ICA1: variants seen among roughly 807,000 people sequenced by gnomAD.
The protein encoded by ICA1 is islet cell autoantigen 1.
In ICA1, 40 loss-of-function variants were observed where a neutral mutation model predicts 71.0. The ratio of observed to expected loss-of-function variants is 0.56; its 90% CI spans 0.44 to 0.73. The LOEUF (loss-of-function observed/expected upper bound fraction) is 0.73, where lower values mean the gene tolerates loss of function less well. Ranked by LOEUF, ICA1 falls within the 30% of genes least tolerant of loss-of-function variation. ICA1 has a pLI of 0.00. For missense variants in ICA1, 578 were observed against 576.5 expected, an observed-to-expected ratio of 1.00 and a Z score of -0.03; for synonymous variants, 207 against 209.5, an observed-to-expected ratio of 0.99 and a Z score of 0.10.
intron 6 of ICA1, among the ~76,000 whole-genome samples, chr7:8,180,751 G>T (rs1188110786): frequency 6.6e-6 from 1 of 151,740 alleles, no homozygotes; most frequent in Non-Finnish European, 1.5e-5. Flanking sequence ...ATGAAACCAT[G>T]TTGGCAATTT....
intron 6 of ICA1, among the ~76,000 whole-genome samples, chr7:8,176,777 A>C (rs932520799): frequency 5.3e-5 from 8 of 152,180 alleles, no homozygotes; most frequent in African/African-American, 1.9e-4. Context: ...TACTGATTAG[A>C]TGTCATACAT....
intron 6 of ICA1, among the ~76,000 whole-genome samples, chr7:8,178,867 C>T (rs942939400): frequency 3.9e-5 from 6 of 152,078 alleles, no homozygotes; most frequent in Admixed American, 6.6e-5. Context: ...AGCATTTCAG[C>T]GTTTTAGCAT....
At chr7:8,174,183 A>T (rs1455812675) in intron 6 of ICA1, among the ~76,000 whole-genome samples, 1 of 152,082 alleles carries the variant, frequency 6.6e-6, no homozygotes, top group East Asian at 1.9e-4. Flanking sequence ...TGTTCTAGGA[A>T]ATGTGGTCAG....
At chr7:8,186,342 T>C (rs2128283449) in intron 6 of ICA1, among the ~76,000 whole-genome samples, 1 of 152,306 alleles carries the variant, frequency 6.6e-6, no homozygotes, top group East Asian at 1.9e-4. Flanking sequence ...ACAGCAATCA[T>C]CTGGTCACTG....
chr7:8,122,168 C>T (rs1274964095), intron 13 of ICA1, among the ~76,000 whole-genome samples: 1 of 152,182 alleles, frequency 6.6e-6, no homozygotes, highest in African/African-American at 2.4e-5. Context: ...ATGGTGGGGA[C>T]AGACGGGTGC....
chr7:8,178,639 T>C (rs1253267568), intron 6 of ICA1, among the ~76,000 whole-genome samples: 1 of 152,064 alleles, frequency 6.6e-6, no homozygotes. Flanking sequence ...AGGAAGCTTG[T>C]CCAGCTGCTT....
At chr7:8,214,947 G>A (rs1021008952) in intron 6 of ICA1, among the ~76,000 whole-genome samples, 5 of 152,104 alleles carry the variant, frequency 3.3e-5, no homozygotes, top group African/African-American at 1.2e-4. Flanking sequence ...GTGCTACCAC[G>A]GAATCTGGTA....
At chr7:8,253,775 C>A (rs1469326540) in intron 1 of ICA1, among the ~76,000 whole-genome samples, 2 of 152,096 alleles carry the variant, frequency 1.3e-5, no homozygotes, top group African/African-American at 2.4e-5. Flanking sequence ...ATTTTCATAG[C>A]TGAGGGTGGT....
chr7:8,137,852 G>C (rs945549680), intron 12 of ICA1, among the ~76,000 whole-genome samples: 5 of 152,204 alleles, frequency 3.3e-5, no homozygotes, highest in African/African-American at 1.2e-4. Context: ...GTCTTCCAGA[G>C]ACTCTCTTCC....
chr7:8,235,816 T>C (rs1801671875), intron 2 of ICA1, 94 bp downstream of exon 2: 5 of 1,280,728 alleles, frequency 3.9e-6, no homozygotes, highest in Admixed American at 1.8e-5. Flanking sequence ...TTACTGCCAA[T>C]GTATCTCTTG....
intron 1 of ICA1, among the ~76,000 whole-genome samples, chr7:8,260,864 C>G (rs999940122): frequency 5.3e-5 from 8 of 152,188 alleles, no homozygotes; most frequent in Non-Finnish European, 1.0e-4. Context: ...TTATTTCACT[C>G]CCTAACCACA....
rs188466652 is a variant in ICA1, at chr7:8,227,874, A to G, written c.256+727T>C. 3.0e-4 allele frequency: 137 copies of G among 451,574 alleles called. No homozygotes were observed. The East Asian group carries it at 8.1e-3, about 27-fold the overall frequency. 28.0% of individuals were successfully genotyped at this position (451,574 alleles called of 1,614,324 possible). A position where few individuals can be genotyped will look rare whatever the true frequency, so the allele number is the denominator to read the frequency against. On this transcript the variant is annotated intron_variant, in intron 4 of 13. Coordinates refer to ENST00000402384, the MANE Select transcript of ICA1 (RefSeq NM_001136020.3). Reference sequence around the variant, plus strand: ...ATGCTGGGATTACAGATGTCAGACAATGCACCCAGCCTACCAAAATGATTG... The same window carrying G: ...ATGCTGGGATTACAGATGTCAGACAGTGCACCCAGCCTACCAAAATGATTG...
At chr7:8,163,516 G>A (rs1048090780) in intron 6 of ICA1, among the ~76,000 whole-genome samples, 4 of 152,176 alleles carry the variant, frequency 2.6e-5, no homozygotes, top group Admixed American at 2.0e-4. Flanking sequence ...AGTACATTGG[G>A]TATATTTCAG....
In ICA1 at chr7:8,200,741, G is replaced by A. The variant is rs142167650; in HGVS notation, c.579+17564C>T. Among the ~76,000 whole-genome samples, 125 of 152,332 alleles carry A rather than the reference G, an allele frequency of 8.2e-4. 3 individuals are homozygous for A. The East Asian group carries it at 0.023, about 28-fold the overall frequency. On this transcript the variant is annotated intron_variant, in intron 6 of 13. Transcript: ENST00000402384. ...ATGAAAGAGTTTCATGAAGATTTAAGCCACAGTTATGAATATTAGTTGAGT... is the reference window on the plus strand; with the variant it reads ...ATGAAAGAGTTTCATGAAGATTTAAACCACAGTTATGAATATTAGTTGAGT...
At chr7:8,257,959 G>C (rs1367367708) in intron 1 of ICA1, among the ~76,000 whole-genome samples, 1 of 152,080 alleles carries the variant, frequency 6.6e-6, no homozygotes, top group African/African-American at 2.4e-5. Context: ...ACACATGGTT[G>C]GGAGTGGGGA....
intron 1 of ICA1, among the ~76,000 whole-genome samples, chr7:8,242,012 CAGA>C (rs1253008103): frequency 1.3e-5 from 2 of 152,116 alleles, no homozygotes; most frequent in Non-Finnish European, 1.5e-5. Context: ...ATCAACGAGA[CAGA>C]AGGTTAACAA....
chr7:8,178,138 C>A (rs1781149133), intron 6 of ICA1, among the ~76,000 whole-genome samples: 1 of 152,150 alleles, frequency 6.6e-6, no homozygotes, highest in African/African-American at 2.4e-5. Flanking sequence ...AAGTTCCTTC[C>A]TTTTGTAAGT....
rs563698924 is a variant in ICA1, at chr7:8,221,525, G to A, written c.257-127C>T. On this transcript the variant is annotated intron_variant, in intron 4 of 13. Coordinates refer to ENST00000402384, the MANE Select transcript of ICA1 (RefSeq NM_001136020.3). ...AGACGAGATGAAATTAAATCTAAGC[G>A]GCAGGCTACAGGGTAAGCTCCCCCT... 34 of 1,078,414 alleles carry A rather than the reference G, an allele frequency of 3.2e-5. No homozygotes were observed. In the African/African-American group the frequency reaches 4.8e-4, roughly 15 times the overall value. The allele number at this position is 1,078,414 out of a possible 1,614,324, so 66.8% of individuals were successfully genotyped here.
intron 1 of ICA1, among the ~76,000 whole-genome samples, chr7:8,240,790 A>G (rs1004649288): frequency 6.6e-6 from 1 of 152,254 alleles, no homozygotes; most frequent in African/African-American, 2.4e-5. Context: ...AGCTGATTCA[A>G]TCAAGTGGAA....
Sources: allele counts gnomAD v4.1 joint callset (sites outside exome capture counted in the v4.1 genomes callset), GRCh38; gene constraint gnomAD v4.1.1; transcripts MANE v1.5; gene names NCBI Gene and HGNC (gene_info 2026-07-23, HGNC 2026-07-21).